The following CNTNAP2 variants were observed in gnomAD, a reference collection of about 807,000 sequenced individuals.
CNTNAP2 encodes contactin-associated protein-like 2.
Under a neutral mutation model 155.2 loss-of-function variants are expected in CNTNAP2, and 98 were observed. The observed-to-expected ratio is 0.63, with a 90% CI of 0.54 to 0.75. The LOEUF is 0.75. Ranked by LOEUF, CNTNAP2 falls within the 30% of genes least tolerant of loss-of-function variation. The pLI, the probability that CNTNAP2 is intolerant of heterozygous loss-of-function variation, is 0.00. For synonymous variants in CNTNAP2, 651 were observed against 631.2 expected, an observed-to-expected ratio of 1.03 and a Z score of -0.47; for missense variants, 1,727 against 1,688.1, an observed-to-expected ratio of 1.02 and a Z score of -0.40.
chr7:147,972,075 A>G (rs555885868), intron 14 of CNTNAP2, among the ~76,000 whole-genome samples: 1 of 152,250 alleles, frequency 6.6e-6, no homozygotes, highest in East Asian at 1.9e-4. Context: ...ATCTCAATGT[A>G]GTTTTAGTTA....
rs1199901768 is a variant in CNTNAP2, at chr7:148,349,398, AAAAT to A, written c.3476-34250_3476-34247del. 1.6e-4 allele frequency among the ~76,000 whole-genome samples: 2 copies of A among 12,328 alleles called. 1 individual carries two copies. The highest frequency in any genetic ancestry group is 3.8e-4 in the Non-Finnish European group (2 of 5,290). The allele number at this position is 12,328 out of a possible 152,430, so 8.1% of individuals were successfully genotyped here. On this transcript the variant is annotated intron_variant, in intron 21 of 23. Coordinates refer to ENST00000361727, the MANE Select transcript of CNTNAP2 (RefSeq NM_014141.6). Reference sequence around the variant, plus strand: ...CTAATGAGCTTTAAAAATTGCAAAAAAAATCTCTCTTTTTTTTTTTTGAGACAGA... The same window carrying A: ...CTAATGAGCTTTAAAAATTGCAAAAACTCTCTTTTTTTTTTTTGAGACAGA...
At chr7:147,381,250 G>T (rs1266760786) in intron 9 of CNTNAP2, among the ~76,000 whole-genome samples, 4 of 152,096 alleles carry the variant, frequency 2.6e-5, no homozygotes, top group Non-Finnish European at 4.4e-5. Context: ...GTTAAGACAG[G>T]ATGAGTGAGT....
intron 1 of CNTNAP2, among the ~76,000 whole-genome samples, chr7:146,121,086 TAC>T (rs1797554981): frequency 3.8e-4 from 57 of 150,712 alleles, no homozygotes; most frequent in Non-Finnish European, 4.7e-4. Flanking sequence ...GACAAAAACT[TAC>T]TCAAATGTCT....
chr7:146,603,331 G>A (rs1013246939), intron 1 of CNTNAP2, among the ~76,000 whole-genome samples: 2 of 150,590 alleles, frequency 1.3e-5, no homozygotes, highest in African/African-American at 2.4e-5. Context: ...AGAATGGTGT[G>A]AACCCAGGAG....
chr7:147,604,112 TA>T (rs1406676608), intron 12 of CNTNAP2, among the ~76,000 whole-genome samples: 1 of 152,110 alleles, frequency 6.6e-6, no homozygotes, highest in Non-Finnish European at 1.5e-5. Context: ...CTAAAAACCA[TA>T]AAAACCCTAG....
Position 146,729,381 on chromosome 7 carries a change from T to C in CNTNAP2, c.98-44890T>C, listed in dbSNP as rs186422197. On this transcript the variant is annotated intron_variant, in intron 1 of 23. Coordinates refer to ENST00000361727, the MANE Select transcript of CNTNAP2 (RefSeq NM_014141.6). ...AGTAAAAGCAGAATGGAAGTGTCAA[T>C]TTCAGAAAGGCAAGAGGATGTACAC... is the stretch of plus-strand genomic sequence containing the variant. Among the ~76,000 whole-genome samples, 285 of 152,276 alleles carry C rather than the reference T, an allele frequency of 1.9e-3. 2 individuals carry two copies. The highest frequency in any genetic ancestry group is 6.6e-3 in the African/African-American group (276 of 41,574).
intron 1 of CNTNAP2, among the ~76,000 whole-genome samples, chr7:146,158,216 C>A (rs1246862112): frequency 3.3e-5 from 5 of 152,158 alleles, no homozygotes; most frequent in African/African-American, 1.2e-4. Flanking sequence ...AGGACACCCA[C>A]ACCAAAACCC....
At chr7:148,206,988 T>C (rs550869542) in intron 18 of CNTNAP2, among the ~76,000 whole-genome samples, 4 of 152,282 alleles carry the variant, frequency 2.6e-5, no homozygotes, top group Admixed American at 2.6e-4. Context: ...TTCTACACAC[T>C]CTCCTTCTAC....
intron 1 of CNTNAP2, among the ~76,000 whole-genome samples, chr7:146,472,781 C>G (rs533452466): frequency 3.3e-5 from 5 of 151,870 alleles, no homozygotes; most frequent in Non-Finnish European, 7.4e-5. Context: ...GTCAGCCTAG[C>G]TGAGAGTCGA....
intron 13 of CNTNAP2, among the ~76,000 whole-genome samples, chr7:147,667,919 G>C (rs957921681): frequency 6.6e-6 from 1 of 152,130 alleles, no homozygotes; most frequent in African/African-American, 2.4e-5. Flanking sequence ...GTGTCACTAA[G>C]GAGTGTATAA....
At chr7:146,760,568 G>A (rs1802080343) in intron 1 of CNTNAP2, among the ~76,000 whole-genome samples, 1 of 151,376 alleles carries the variant, frequency 6.6e-6, no homozygotes, top group Admixed American at 6.6e-5. Flanking sequence ...GGCACTACAG[G>A]CACACACCAT....
At chr7:147,478,965 C>G (rs1798371167) in intron 10 of CNTNAP2, among the ~76,000 whole-genome samples, 1 of 152,156 alleles carries the variant, frequency 6.6e-6, no homozygotes, top group Non-Finnish European at 1.5e-5. Context: ...GTGAAGGAGG[C>G]TAGATACTTG....
At chr7:148,222,594 A>AT (rs1795771478) in intron 19 of CNTNAP2, among the ~76,000 whole-genome samples, 1 of 62,832 alleles carries the variant, frequency 1.6e-5, no homozygotes, top group Non-Finnish European at 3.6e-5. Context: ...ATTCATGAGG[A>AT]CAGAGTCCTC....
chr7:147,060,182 T>TA (rs376471035), intron 4 of CNTNAP2, among the ~76,000 whole-genome samples: 8,640 of 138,182 alleles, frequency 0.063, 624 homozygotes, highest in African/African-American at 0.21. Context: ...AGTAACAATT[T>TA]AAAAAAAAAA....
chr7:146,558,273 A>G (rs1236895592), intron 1 of CNTNAP2, among the ~76,000 whole-genome samples: 2 of 152,250 alleles, frequency 1.3e-5, no homozygotes, highest in East Asian at 3.9e-4. Flanking sequence ...TAGCAAGTCC[A>G]CATGTTTTAT....
At chr7:146,444,119 G>A (rs926567038) in intron 1 of CNTNAP2, among the ~76,000 whole-genome samples, 8 of 152,120 alleles carry the variant, frequency 5.3e-5, no homozygotes, top group Non-Finnish European at 7.4e-5. Context: ...TGCAACCTCC[G>A]CCTCCTGGGT....
At chr7:148,175,491 A>G (rs1186909777) in intron 18 of CNTNAP2, among the ~76,000 whole-genome samples, 1 of 152,192 alleles carries the variant, frequency 6.6e-6, no homozygotes, top group Non-Finnish European at 1.5e-5. Context: ...GAGAATCTCA[A>G]TACATTTAAC....
chr7:146,508,852 C>A (rs190073058), intron 1 of CNTNAP2, among the ~76,000 whole-genome samples: 34 of 152,300 alleles, frequency 2.2e-4, no homozygotes, highest in Admixed American at 2.0e-3. Context: ...TCAACCCCAG[C>A]CAAAATCAAA....
At chr7:148,106,618 C>G (rs537779778) in intron 15 of CNTNAP2, among the ~76,000 whole-genome samples, 222 of 151,700 alleles carry the variant, frequency 1.5e-3, no homozygotes, top group African/African-American at 4.5e-3. Flanking sequence ...GCTTCAGCCT[C>G]CCAAAGTGCT....
Sources: gnomAD v4.1 joint callset for allele counts (sites outside exome capture counted in the v4.1 genomes callset) on GRCh38, gnomAD v4.1.1 for gene constraint, MANE v1.5 for transcripts, NCBI Gene and HGNC (gene_info 2026-07-23, HGNC 2026-07-21) for gene names.